The following CYP27C1 variants were observed in gnomAD, a reference collection of about 807,000 sequenced individuals.
CYP27C1 encodes the protein cytochrome P450 family 27 subfamily C member 1, also known as cytochrome P450 27C1.
Under a neutral mutation model 40.6 loss-of-function variants are expected in CYP27C1, and 29 were observed. The observed-to-expected ratio is 0.71, with a 90% CI of 0.53 to 0.97. CYP27C1 has a LOEUF of 0.97. Among genes scored for constraint, CYP27C1 ranks in the 50% least tolerant of loss-of-function variants. CYP27C1 has a pLI of 0.00. For synonymous variants in CYP27C1, 198 were observed against 186.8 expected, an observed-to-expected ratio of 1.06 and a Z score of -0.49; for missense variants, 390 against 485.8, an observed-to-expected ratio of 0.80 and a Z score of 1.85.
At chr2:127,194,402 T>G (rs1182990581) in intron 6 of CYP27C1, among the ~76,000 whole-genome samples, 3 of 152,202 alleles carry the variant, frequency 2.0e-5, no homozygotes, top group African/African-American at 7.2e-5. Context: ...TTTGAAAGAA[T>G]TCTTTAGTAT....
At chr2:127,194,494 G>A (rs1169466246) in intron 6 of CYP27C1, among the ~76,000 whole-genome samples, 2 of 152,082 alleles carry the variant, frequency 1.3e-5, no homozygotes, top group Admixed American at 6.6e-5. Context: ...GATGTAATCC[G>A]TCCCTAATCC....
chr2:127,193,468 A>C (rs1682831158), intron 7 of CYP27C1, among the ~76,000 whole-genome samples, 171 bp from the exon 8 acceptor site: 1 of 151,872 alleles, frequency 6.6e-6, no homozygotes, highest in Non-Finnish European at 1.5e-5. Flanking sequence ...TCCACACTGC[A>C]CCCCAAATGT....
chr2:127,188,099 C>T (rs1027396957), intron 8 of CYP27C1, among the ~76,000 whole-genome samples: 5 of 152,188 alleles, frequency 3.3e-5, no homozygotes, highest in African/African-American at 4.8e-5. Context: ...CTTCTGTCCA[C>T]GGACAGGCTC....
rs950284135 is a variant in CYP27C1 at position 127,197,909 on chromosome 2, ACTAT to A, written c.1047+1463_1047+1466del. Among the ~76,000 whole-genome samples the A allele has an allele frequency of 4.0e-5, 6 of 151,714 alleles. 1 individual carries two copies. Among genetic ancestry groups the A allele is most frequent in the Admixed American group, 1.3e-4 (2 of 15,188 alleles). On this transcript the variant is annotated intron_variant, in intron 5 of 8. Transcript: ENST00000664447. ...CCCAGCCAGCCAAAAACCCATGTTA[ACTAT>A]CTAGTGTGTTCCCTCCACGCGCTGC...
At chr2:127,191,198 T>C (rs1294006716) in intron 8 of CYP27C1, among the ~76,000 whole-genome samples, 7 of 152,010 alleles carry the variant, frequency 4.6e-5, no homozygotes, top group Non-Finnish European at 1.5e-5. Context: ...AGTGAGCCGA[T>C]TGCACCACTG....
chr2:127,204,825 G>A (rs994972033), intron 2 of CYP27C1, among the ~76,000 whole-genome samples: 1 of 152,118 alleles, frequency 6.6e-6, no homozygotes, highest in African/African-American at 2.4e-5. Flanking sequence ...AGAGGGTCGT[G>A]GCAGGACTGA....
At position 127,187,333 on chromosome 2, in the gene CYP27C1, T is replaced by C. The variant is rs761006843; in HGVS notation, c.1552A>G (p.Lys518Glu). 3 of 1,614,206 alleles carry C rather than the reference T, an allele frequency of 1.9e-6. No homozygotes were observed. The highest frequency in any genetic ancestry group is 2.5e-6 in the Non-Finnish European group (3 of 1,180,026). Residue 518 changes from lysine to glutamate, a missense_variant, in exon 9 of 9, where the codon AAA (lysine) becomes GAA (glutamate). By Grantham distance (56) the Lys-to-Glu change is moderately conservative. Transcript: ENST00000664447. ...TSSQTNAVHAKTHGLLTPGGP... is the reference protein window; with the variant it reads ...TSSQTNAVHAETHGLLTPGGP... The stretch of plus-strand genomic sequence containing the variant: ...CCTGGCGTCAGGAGCCCGTGGGTTT[T>C]TGCATGAACAGCATTGGTCTGAGAA...
intron 8 of CYP27C1, among the ~76,000 whole-genome samples, chr2:127,188,486 C>A (rs932064694): frequency 6.6e-6 from 1 of 151,880 alleles, no homozygotes; most frequent in Non-Finnish European, 1.5e-5. Context: ...GATCCTCCCA[C>A]CTCCGCCTCC....
Position 127,189,294 on chromosome 2 carries a change from A to G in CYP27C1, c.1498-1907T>C, listed in dbSNP as rs1354107575. On this transcript the variant is annotated intron_variant, in intron 8 of 8. Transcript: ENST00000664447. Reference sequence around the variant, plus strand: ...TAAGGGAACACATTAATATCACACCATGAAAGCTGTCCCTTTCCTTCCCAG... The same window carrying G: ...TAAGGGAACACATTAATATCACACCGTGAAAGCTGTCCCTTTCCTTCCCAG... Among the ~76,000 whole-genome samples the G allele has an allele frequency of 2.6e-5, 4 of 151,766 alleles. No individual in the cohort carries two copies. In the South Asian group the frequency reaches 8.3e-4, roughly 31 times the overall value.
In CYP27C1 at chr2:127,204,619, A is replaced by C. The variant is rs1457719925; in HGVS notation, c.474-1048T>G. On this transcript the variant is annotated intron_variant, in intron 2 of 8. Coordinates refer to ENST00000664447, the MANE Select transcript of CYP27C1 (RefSeq NM_001367502.1). ...AAAGAAAGAAAGAAAGAAAGAAAGA[A>C]AGAAAGAAGACTGCAGCTTGTTACC... 4.9e-3 allele frequency among the ~76,000 whole-genome samples: 505 copies of C among 102,296 alleles called. 5 individuals are homozygous for C. Among genetic ancestry groups the C allele is most frequent in the African/African-American group, 0.019 (484 of 25,644 alleles). 67.1% of individuals were successfully genotyped at this position (102,296 alleles called of 152,430 possible).
chr2:127,195,250 G>C lies in CYP27C1; in HGVS notation c.1214+85C>G. 1 of 1,560,240 alleles carries C rather than the reference G, an allele frequency of 6.4e-7. No homozygotes were observed. Among genetic ancestry groups the C allele is most frequent in the East Asian group, 2.2e-5 (1 of 44,526 alleles). ...ATCCTCATCCTGAACAGGTCAGCCG[G>C]GGGGGCATTTGGAGGACTTGTTGTG... On this transcript the variant is annotated intron_variant, in intron 6 of 8. Transcript: ENST00000664447. The surrounding 1 kb of genome is among the most constrained non-coding windows in gnomAD (Gnocchi z 6.2).
chr2:127,205,344 G>C (rs183154308), intron 2 of CYP27C1, among the ~76,000 whole-genome samples: 3 of 152,196 alleles, frequency 2.0e-5, no homozygotes, highest in Non-Finnish European at 4.4e-5. Context: ...CCACCCCATG[G>C]GGATTTGGAC....
rs1683292564 is a variant in CYP27C1, at chr2:127,209,252, A to G, written c.283-3162T>C. ...AAGTGAACCCCCAGCAAACTGCAGC[A>G]GCCCTACAGAAGAGGGATTGACTAT... On this transcript the variant is annotated intron_variant, in intron 1 of 8. Coordinates refer to ENST00000664447, the MANE Select transcript of CYP27C1 (RefSeq NM_001367502.1). The surrounding 1 kb of genome is among the most constrained non-coding windows in gnomAD (Gnocchi z 4.1). Among the ~76,000 whole-genome samples, 1 of 152,182 alleles carries G rather than the reference A, an allele frequency of 6.6e-6. No individual in the cohort carries two copies. Among genetic ancestry groups the G allele is most frequent in the Non-Finnish European group, 1.5e-5 (1 of 68,040 alleles).
chr2:127,215,769 C>T (rs1683420039), intron 1 of CYP27C1, among the ~76,000 whole-genome samples: 1 of 150,266 alleles, frequency 6.7e-6, no homozygotes, highest in African/African-American at 2.4e-5. Context: ...AAGCACATAT[C>T]TGATAAGGGA....
At chr2:127,189,876 T>C (rs79995601) in intron 8 of CYP27C1, among the ~76,000 whole-genome samples, 22,983 of 152,264 alleles carry the variant, frequency 0.15, 2,008 homozygotes, top group African/African-American at 0.24. Flanking sequence ...GCACATTTTC[T>C]ATCTTCAATT....
intron 1 of CYP27C1, among the ~76,000 whole-genome samples, chr2:127,217,133 G>C (rs1683444923): frequency 2.6e-5 from 4 of 152,190 alleles, no homozygotes; most frequent in Non-Finnish European, 5.9e-5. Flanking sequence ...CAGCACAAGG[G>C]AACTGGAGGT....
At chr2:127,204,541 GAGAGA>G (rs1683159891) in intron 2 of CYP27C1, among the ~76,000 whole-genome samples, 1 of 63,562 alleles carries the variant, frequency 1.6e-5, no homozygotes, top group African/African-American at 6.1e-5. Flanking sequence ...AAGAAAGAGA[GAGAGA>G]GAGAGAGAGA....
Position 127,189,635 on chromosome 2 carries a change from A to G in CYP27C1, c.1498-2248T>C, listed in dbSNP as rs866032262. Among the ~76,000 whole-genome samples, 7 of 152,008 alleles carry G rather than the reference A, an allele frequency of 4.6e-5. No individual in the cohort carries two copies. The South Asian group carries it at 6.2e-4, about 14-fold the overall frequency. ...TAAAGTAAAATTAAAAAAAAAAAAA[A>G]AAAGAAAGGCTCCACTGTTGCTTCT... On this transcript the variant is annotated intron_variant, in intron 8 of 8. Transcript: ENST00000664447.
In CYP27C1 at chr2:127,201,156, T is replaced by C. The variant is rs777809606; in HGVS notation, c.849A>G (p.Glu283=). Reference sequence around the variant, plus strand: ...AGAGTCCATCCCAGGACCTGCAGAATTCCCGCCAGGGCTTTGGGATGAAGG... The same window carrying C: ...AGAGTCCATCCCAGGACCTGCAGAACTCCCGCCAGGGCTTTGGGATGAAGG... ...LRPFIPKPWR[E]FCRSWDGLFK... is the part of the protein sequence containing the mutation. The change falls in exon 4 of 9, where the codon GAA becomes GAG. Residue 283 remains glutamate (E), a synonymous_variant. Coordinates refer to ENST00000664447, the MANE Select transcript of CYP27C1 (RefSeq NM_001367502.1). This position sits in a 1 kb window ranked among gnomAD's most constrained non-coding sequence, Gnocchi z 6.0. 8 of 1,613,914 alleles carry C rather than the reference T, an allele frequency of 5.0e-6. No individual in the cohort carries two copies. Among genetic ancestry groups the C allele is most frequent in the Non-Finnish European group, 5.9e-6 (7 of 1,180,022 alleles).
Sources: allele counts gnomAD v4.1 joint callset (sites outside exome capture counted in the v4.1 genomes callset), GRCh38; gene constraint gnomAD v4.1.1; non-coding constraint Gnocchi (gnomAD v3.1); transcripts MANE v1.5; gene names NCBI Gene and HGNC (gene_info 2026-07-23, HGNC 2026-07-21).